Variants in IGSF11 observed in about 807,000 individuals in gnomAD.
IGSF11 encodes CXADR like 1.
Under a neutral mutation model 41.0 loss-of-function variants are expected in IGSF11, and 22 were observed. The ratio of observed to expected loss-of-function variants is 0.54; its 90% CI spans 0.38 to 0.77. The LOEUF (loss-of-function observed/expected upper bound fraction) is 0.77. Ranked by LOEUF, IGSF11 falls within the 30% of genes least tolerant of loss-of-function variation. The pLI is 0.00. For synonymous variants in IGSF11, 219 were observed against 201.3 expected (o/e 1.09, Z -0.74); for missense variants, 444 against 530.8 (o/e 0.84, Z 1.61).
intron 1 of IGSF11, among the ~76,000 whole-genome samples, chr3:119,074,610 C>T (rs147358870): frequency 7.9e-5 from 12 of 151,170 alleles, no homozygotes; most frequent in African/African-American, 2.9e-4. Flanking sequence ...AATCCCAGCA[C>T]TTTGGGAGGC....
intron 1 of IGSF11, among the ~76,000 whole-genome samples, chr3:118,980,666 T>C (rs1934622901): frequency 1.3e-5 from 2 of 152,126 alleles, no homozygotes; most frequent in African/African-American, 4.8e-5. Context: ...TCAACACAAA[T>C]AGTAGAGAGG....
chr3:119,063,512 G>A (rs919700292), intron 1 of IGSF11, among the ~76,000 whole-genome samples: 5 of 151,558 alleles, frequency 3.3e-5, no homozygotes, highest in African/African-American at 1.2e-4. Context: ...GAACAGTGCA[G>A]GTACCTAGAA....
chr3:119,014,511 C>G (rs1261200650), intron 1 of IGSF11, among the ~76,000 whole-genome samples: 1 of 151,954 alleles, frequency 6.6e-6, no homozygotes, highest in Non-Finnish European at 1.5e-5. Context: ...ACAGAAAGGC[C>G]CCAAGAAGAG....
intron 1 of IGSF11, among the ~76,000 whole-genome samples, chr3:119,028,803 A>G (rs927183725): frequency 5.9e-5 from 9 of 152,156 alleles, no homozygotes; most frequent in African/African-American, 2.2e-4. Flanking sequence ...CCAAATCCCT[A>G]AAGAAATTTT....
chr3:119,138,390 A>T (rs2107546959), intron 1 of IGSF11, among the ~76,000 whole-genome samples: 1 of 152,310 alleles, frequency 6.6e-6, no homozygotes, highest in Admixed American at 6.5e-5. Flanking sequence ...ACTTAGCCAT[A>T]AAAAACGAAT....
At chr3:119,051,713 G>C (rs1382156830) in intron 1 of IGSF11, among the ~76,000 whole-genome samples, 1 of 152,098 alleles carries the variant, frequency 6.6e-6, no homozygotes, top group African/African-American at 2.4e-5. Flanking sequence ...CTCCAAGATA[G>C]ACCATATGAT....
upstream of IGSF11, among the ~76,000 whole-genome samples, chr3:119,107,142 A>G (rs2077045746): frequency 6.6e-6 from 1 of 152,190 alleles, no homozygotes; most frequent in Non-Finnish European, 1.5e-5. Context: ...TTCTTGTTCT[A>G]GATCCCTGAG....
At chr3:119,082,344 G>C (rs1159361502) in intron 1 of IGSF11, among the ~76,000 whole-genome samples, 1 of 152,152 alleles carries the variant, frequency 6.6e-6, no homozygotes, top group Non-Finnish European at 1.5e-5. Context: ...CTGGCTCTGA[G>C]CTTCCTGGCA....
chr3:119,058,366 T>A (rs369989352), intron 1 of IGSF11, among the ~76,000 whole-genome samples: 88 of 152,134 alleles, frequency 5.8e-4, no homozygotes, highest in African/African-American at 2.0e-3. Context: ...AAAAGACACA[T>A]GAAAAAATGC....
At chr3:118,941,381 C>T (rs934185786) in intron 1 of IGSF11, among the ~76,000 whole-genome samples, 1 of 152,122 alleles carries the variant, frequency 6.6e-6, no homozygotes, top group Non-Finnish European at 1.5e-5. Flanking sequence ...TGAAACGATG[C>T]TCCACTTCAT....
At chr3:119,062,478 T>C (rs1249161575) in intron 1 of IGSF11, among the ~76,000 whole-genome samples, 1 of 152,188 alleles carries the variant, frequency 6.6e-6, no homozygotes, top group Non-Finnish European at 1.5e-5. Context: ...TCAACAACTA[T>C]GTAAAAATCC....
rs1941943441 is a variant in IGSF11, at chr3:119,058,639, A to G, written c.49+46505T>C. ...CCATTGCTGGGTATGTACCCAAAGG[A>G]TTATAAATCATGCTGCTATAAAGAC... On this transcript the variant is annotated intron_variant, in intron 1 of 6. Coordinates refer to the IGSF11 transcript ENST00000354673. Among the ~76,000 whole-genome samples the G allele has an allele frequency of 3.3e-5, 5 of 152,362 alleles. No individual in the cohort carries two copies. In the South Asian group the frequency reaches 8.3e-4, roughly 25 times the overall value.
At chr3:119,043,296 C>T (rs188550356) in intron 1 of IGSF11, among the ~76,000 whole-genome samples, 220 of 152,282 alleles carry the variant, frequency 1.4e-3, no homozygotes, top group African/African-American at 5.0e-3. Flanking sequence ...TGCTCTCAGG[C>T]GATAGATGAC....
At chr3:119,102,298 T>C (rs1346135693) in intron 1 of IGSF11, among the ~76,000 whole-genome samples, 2 of 152,248 alleles carry the variant, frequency 1.3e-5, no homozygotes, top group South Asian at 2.1e-4. Context: ...AAGGATAACA[T>C]CTGGAAATGC....
chr3:119,031,087 T>C (rs1404556671), intron 1 of IGSF11, among the ~76,000 whole-genome samples: 1 of 152,020 alleles, frequency 6.6e-6, no homozygotes, highest in Non-Finnish European at 1.5e-5. Context: ...TGAAACCCCG[T>C]CTCTACTAAA....
intron 1 of IGSF11, among the ~76,000 whole-genome samples, chr3:119,057,703 C>T (rs531717885): frequency 7.4e-4 from 113 of 152,304 alleles, no homozygotes; most frequent in Non-Finnish European, 1.4e-3. Flanking sequence ...GCAGGCATCA[C>T]GCTACCTGAC....
intron 1 of IGSF11, among the ~76,000 whole-genome samples, chr3:118,971,368 G>A (rs1042561923): frequency 6.6e-6 from 1 of 152,040 alleles, no homozygotes; most frequent in African/African-American, 2.4e-5. Flanking sequence ...CAAAATTCAG[G>A]ATTATGCCAA....
At chr3:118,925,042 G>C (rs537725589) in intron 4 of IGSF11, among the ~76,000 whole-genome samples, 2 of 152,116 alleles carry the variant, frequency 1.3e-5, no homozygotes, top group African/African-American at 4.8e-5. Context: ...ATGAACAACA[G>C]TATTGCAGGA....
chr3:118,902,299 ATCC>A lies in IGSF11; in HGVS notation c.*218_*220del. On this transcript the variant is annotated 3_prime_UTR_variant, in exon 7 of 7. Transcript: ENST00000393775. Reference sequence around the variant, plus strand: ...TGGCACATCTTTGAGATCCAGCAGAATCCCAGGACATCTTTGGTGGGGAAGCAA... The same window carrying A: ...TGGCACATCTTTGAGATCCAGCAGAACAGGACATCTTTGGTGGGGAAGCAA... 2 of 499,910 alleles carry A rather than the reference ATCC, an allele frequency of 4.0e-6. No individual in the cohort carries two copies. The highest frequency in any genetic ancestry group is 7.1e-6 in the Non-Finnish European group (2 of 281,336). The allele number at this position is 499,910 out of a possible 1,614,324, so 31.0% of individuals were successfully genotyped here. A position where few individuals can be genotyped will look rare whatever the true frequency, so the allele number is the denominator to read the frequency against.
Sources: allele counts gnomAD v4.1 joint callset (sites outside exome capture counted in the v4.1 genomes callset), GRCh38; gene constraint gnomAD v4.1.1; transcripts MANE v1.5; gene names NCBI Gene and HGNC (gene_info 2026-07-23, HGNC 2026-07-21).